KANSL1L: variants seen among roughly 807,000 people sequenced by gnomAD.
The protein encoded by KANSL1L is KAT8 regulatory NSL complex subunit 1-like protein.
KANSL1L carries 25 observed loss-of-function variants against 108.6 expected under a neutral mutation model. The observed-to-expected ratio is 0.23, with a 90% CI of 0.17 to 0.32. KANSL1L has a LOEUF of 0.32. Ranked by LOEUF, KANSL1L falls within the 10% of genes least tolerant of loss-of-function variation. The pLI is 1.00. For missense variants in KANSL1L, 1,137 were observed against 1,125.7 expected, an observed-to-expected ratio of 1.01 and a Z score of -0.14; for synonymous variants, 405 against 395.1, an observed-to-expected ratio of 1.03 and a Z score of -0.30.
intron 3 of KANSL1L, among the ~76,000 whole-genome samples, chr2:210,127,760 C>T (rs1246515495): frequency 8.1e-6 from 1 of 123,236 alleles, no homozygotes; most frequent in Non-Finnish European, 1.6e-5. Flanking sequence ...GATCACACTA[C>T]TGCACTCCAG....
chr2:210,055,005 C>A (rs1055008522), intron 6 of KANSL1L, among the ~76,000 whole-genome samples: 2 of 152,068 alleles, frequency 1.3e-5, no homozygotes, highest in African/African-American at 2.4e-5. Context: ...ATCAGTGATA[C>A]GGTTTGGCTG....
chr2:210,106,762 CAAAAAAAA>C (rs367609630), intron 3 of KANSL1L, among the ~76,000 whole-genome samples: 2 of 123,500 alleles, frequency 1.6e-5, no homozygotes, highest in Admixed American at 7.8e-5. Context: ...GAGACTCTGT[CAAAAAAAA>C]AAAAAAAAAT....
rs1374299939 is a variant in KANSL1L, at chr2:210,075,630, T to G, written c.1677A>C (p.Ser559=). The change falls in exon 6 of 15, where the codon TCA becomes TCC. Residue 559 remains serine (S), a synonymous_variant. Transcript: ENST00000281772. ...KSSSLTFMST[S]ARTRPLQSFH... is the part of the protein sequence containing the mutation. ...AACTCTGAAGTGGCCTTGTTCGGGC[T>G]GATGTACTCATGAAAGTCAAGGATG... is the stretch of plus-strand genomic sequence containing the variant. 6.2e-7 allele frequency: 1 copy of G among 1,614,054 alleles called. No individual in the cohort carries two copies.
chr2:210,076,704 T>G (rs2125329496), intron 5 of KANSL1L, among the ~76,000 whole-genome samples: 1 of 151,670 alleles, frequency 6.6e-6, no homozygotes, highest in South Asian at 2.1e-4. Context: ...TATTTAAATA[T>G]TTCAAATATT....
chr2:210,154,426 T>G lies in KANSL1L; in HGVS notation c.157A>C (p.Thr53Pro). 1.2e-6 allele frequency: 2 copies of G among 1,613,012 alleles called. No homozygotes were observed. The highest frequency in any genetic ancestry group is 1.7e-6 in the Non-Finnish European group (2 of 1,179,550). Reference sequence around the variant, plus strand: ...TTAGTATTAAGAGTAGGTTCAGGAGTTGGAAATCCAAGCATCTGAGAAAAG... The same window carrying G: ...TTAGTATTAAGAGTAGGTTCAGGAGGTGGAAATCCAAGCATCTGAGAAAAG... ...DTFSQMLGFPTPEPTLNTNFV... is the reference protein window; with the variant it reads ...DTFSQMLGFPPPEPTLNTNFV... The change falls in exon 2 of 15, where the codon ACT becomes CCT. Residue 53 changes from threonine (T) to proline (P), a missense_variant. Physicochemically the swap from Thr to Pro is conservative, Grantham distance 38 (BLOSUM62 -1). This residue lies in a region of KANSL1L where 556 missense variants were observed against 537.7 expected (regional missense o/e 1.03). Coordinates refer to ENST00000281772, the MANE Select transcript of KANSL1L (RefSeq NM_152519.4).
At chr2:210,065,579 ATTTTTTTTTT>A (rs57999970) in intron 6 of KANSL1L, among the ~76,000 whole-genome samples, 4 of 64,922 alleles carry the variant, frequency 6.2e-5, no homozygotes. Flanking sequence ...CCTGGACATG[ATTTTTTTTTT>A]TTTTTTTTTT....
intron 3 of KANSL1L, among the ~76,000 whole-genome samples, chr2:210,123,300 T>C (rs1466345971): frequency 1.3e-5 from 2 of 151,892 alleles, no homozygotes; most frequent in Admixed American, 6.6e-5. Flanking sequence ...AACAGACAAA[T>C]GGATAAAGAA....
intron 6 of KANSL1L, among the ~76,000 whole-genome samples, chr2:210,071,521 G>A (rs1350805084): frequency 6.6e-6 from 1 of 151,886 alleles, no homozygotes; most frequent in Non-Finnish European, 1.5e-5. Flanking sequence ...CACCCCCCTC[G>A]GCCTCCCAAA....
intron 5 of KANSL1L, among the ~76,000 whole-genome samples, chr2:210,095,530 C>T (rs2094728065): frequency 6.6e-6 from 1 of 152,044 alleles, no homozygotes; most frequent in Non-Finnish European, 1.5e-5. Flanking sequence ...TTATTCTTAT[C>T]TGCAATATAG....
chr2:210,060,004 A>C (rs954201767), intron 6 of KANSL1L, among the ~76,000 whole-genome samples: 2 of 152,186 alleles, frequency 1.3e-5, no homozygotes, highest in African/African-American at 4.8e-5. Context: ...CGGCCTCCCA[A>C]AGTGCTAGGA....
intron 1 of KANSL1L, among the ~76,000 whole-genome samples, chr2:210,167,434 T>C (rs1431455026): frequency 4.6e-5 from 7 of 152,026 alleles, no homozygotes; most frequent in Admixed American, 2.6e-4. Context: ...CAGATCATAC[T>C]TCAAGCAGAA....
intron 8 of KANSL1L, among the ~76,000 whole-genome samples, chr2:210,036,127 T>C (rs918231166): frequency 2.6e-5 from 4 of 152,198 alleles, no homozygotes; most frequent in African/African-American, 9.6e-5. Context: ...CTCATCTCCC[T>C]GAACCTCTCT....
In KANSL1L at chr2:210,044,108, C is replaced by G; in HGVS notation, c.1756-4G>C. On this transcript the variant is annotated splice_region_variant and splice_polypyrimidine_tract_variant and intron_variant, in intron 6 of 14. Transcript: ENST00000281772. This position sits in a 1 kb window ranked among gnomAD's most constrained non-coding sequence, Gnocchi z 4.2. ...CTGTTTCTTTTGAAGGCAAAGTCTG[C>G]AAGGAAAAACCGTATTAGAATATCA... 6.4e-7 allele frequency: 1 copy of G among 1,568,076 alleles called. No homozygotes were observed. Among genetic ancestry groups the G allele is most frequent in the African/African-American group, 1.4e-5 (1 of 73,072 alleles).
rs555225088 is a variant in KANSL1L, at chr2:210,060,374, T to C, written c.1755+15178A>G. ...AAATTAAAATAGGAATAGTTCTGCC[T>C]TATTTCATAAAGGTTATAATATTCA... On this transcript the variant is annotated intron_variant, in intron 6 of 14. Transcript: ENST00000281772. 7.2e-5 allele frequency among the ~76,000 whole-genome samples: 11 copies of C among 152,362 alleles called. No homozygotes were observed. In the East Asian group the frequency reaches 2.1e-3, roughly 29 times the overall value.
intron 14 of KANSL1L, among the ~76,000 whole-genome samples, chr2:210,023,565 A>G (rs773996070): frequency 4.6e-5 from 7 of 152,306 alleles, no homozygotes; most frequent in Middle Eastern, 3.4e-3. Flanking sequence ...TATTAATTCT[A>G]TAATCTCCAT....
chr2:210,139,566 GTTA>G, intron 2 of KANSL1L, among the ~76,000 whole-genome samples: 1 of 152,010 alleles, frequency 6.6e-6, no homozygotes, highest in Non-Finnish European at 1.5e-5. Context: ...TCCAACATTT[GTTA>G]TTCTTTTTCT....
chr2:210,160,145 T>G (rs2095354337), intron 1 of KANSL1L, among the ~76,000 whole-genome samples: 1 of 152,246 alleles, frequency 6.6e-6, no homozygotes, highest in African/African-American at 2.4e-5. Context: ...TATCCATTCA[T>G]GAGAAAAACT....
At chr2:210,142,414 C>T (rs2095236780) in intron 2 of KANSL1L, among the ~76,000 whole-genome samples, 1 of 151,612 alleles carries the variant, frequency 6.6e-6, no homozygotes, top group African/African-American at 2.4e-5. Flanking sequence ...TAAGGTTTGT[C>T]AATTCTGCTT....
At chr2:210,134,692 T>C (rs2095158063) in intron 2 of KANSL1L, among the ~76,000 whole-genome samples, 1 of 152,140 alleles carries the variant, frequency 6.6e-6, no homozygotes, top group Non-Finnish European at 1.5e-5. Context: ...AGTAAATTAA[T>C]AAGTGCATAG....
Sources: gnomAD v4.1 joint callset for allele counts (sites outside exome capture counted in the v4.1 genomes callset) on GRCh38, gnomAD v4.1.1 for gene constraint, gnomAD v4.1.1 regional missense constraint, Gnocchi (gnomAD v3.1) non-coding constraint, MANE v1.5 for transcripts, NCBI Gene and HGNC (gene_info 2026-07-23, HGNC 2026-07-21) for gene names.